Variants in DCDC1 observed in about 807,000 individuals in gnomAD.
DCDC1 encodes the protein doublecortin domain containing 1.
In DCDC1, 200 loss-of-function variants were observed where a neutral mutation model predicts 178.3. That is an observed-to-expected ratio of 1.12 (90% confidence interval 1.00 to 1.26). The LOEUF is 1.26. DCDC1 is among the 50% of genes most tolerant of loss of function. The probability of loss-of-function intolerance (pLI) is 0.00; values close to 1 mark genes in which losing one functional copy is unlikely to be tolerated. For missense variants in DCDC1, 1,983 were observed against 1,749.2 expected, an observed-to-expected ratio of 1.13 and a Z score of -2.38; for synonymous variants, 690 against 604.8, an observed-to-expected ratio of 1.14 and a Z score of -2.07.
In DCDC1 at chr11:30,999,991, C is replaced by T. The variant is rs1034989749; in HGVS notation, c.2592-47423G>A. ...TAGTCACCAACCAGAAAGAAAAGGT[C>T]GGTCAAAGCCAGTGGCTTCAGGTAA... On this transcript the variant is annotated intron_variant, in intron 20 of 38. Transcript: ENST00000684477. Among the ~76,000 whole-genome samples, 10 of 152,070 alleles carry T rather than the reference C, an allele frequency of 6.6e-5. No homozygotes were observed. The South Asian group carries it at 1.7e-3, about 25-fold the overall frequency.
At chr11:31,120,167 T>C (rs1354787726) in intron 11 of DCDC1, among the ~76,000 whole-genome samples, 1 of 152,122 alleles carries the variant, frequency 6.6e-6, no homozygotes, top group East Asian at 1.9e-4. Context: ...AAAAAAGAAA[T>C]CTCTGAATTA....
chr11:30,881,640 T>A (rs775096733), intron 36 of DCDC1, among the ~76,000 whole-genome samples: 45 of 152,020 alleles, frequency 3.0e-4, no homozygotes, highest in Non-Finnish European at 5.4e-4. Flanking sequence ...TAAAAACAAT[T>A]TTTTTTAGTG....
At chr11:31,058,856 T>C (rs1409942945) in intron 20 of DCDC1, among the ~76,000 whole-genome samples, 6 of 152,130 alleles carry the variant, frequency 3.9e-5, no homozygotes, top group African/African-American at 1.2e-4. Flanking sequence ...CTAAATGTAA[T>C]TTATTATCTC....
At chr11:30,941,427 C>G (rs1240461156) in intron 21 of DCDC1, among the ~76,000 whole-genome samples, 1 of 152,170 alleles carries the variant, frequency 6.6e-6, no homozygotes, top group Non-Finnish European at 1.5e-5. Flanking sequence ...CTCTCCCTCA[C>G]TCACACTGCT....
At chr11:30,981,344 T>C in intron 20 of DCDC1, among the ~76,000 whole-genome samples, 1 of 152,204 alleles carries the variant, frequency 6.6e-6, no homozygotes, top group South Asian at 2.1e-4. Flanking sequence ...TTAAAATAAA[T>C]TTTAAAAAGA....
chr11:31,341,424 T>TAGATAGATAGAC (rs753529187), intron 1 of DCDC1, among the ~76,000 whole-genome samples: 3,716 of 150,300 alleles, frequency 0.025, 129 homozygotes, highest in African/African-American at 0.071. Flanking sequence ...GATAGATAGA[T>TAGATAGATAGAC]AGATAGATAG....
At chr11:31,250,413 C>CACACACATAT (rs1476922348) in intron 8 of DCDC1, among the ~76,000 whole-genome samples, 3 of 93,108 alleles carry the variant, frequency 3.2e-5, no homozygotes, top group African/African-American at 1.5e-4. Context: ...CACACACACA[C>CACACACATAT]ACATATACAT....
intron 9 of DCDC1, among the ~76,000 whole-genome samples, chr11:31,160,462 G>T (rs1317548358): frequency 6.6e-6 from 1 of 152,040 alleles, no homozygotes; most frequent in Non-Finnish European, 1.5e-5. Flanking sequence ...TTCTTTGGAG[G>T]ATTATAGATG....
At chr11:31,178,111 G>T (rs1968310537) in intron 9 of DCDC1, among the ~76,000 whole-genome samples, 1 of 152,124 alleles carries the variant, frequency 6.6e-6, no homozygotes, top group South Asian at 2.1e-4. Flanking sequence ...AACATCTCCA[G>T]AACAGATCAC....
At chr11:31,328,397 T>C (rs990114895) in intron 2 of DCDC1, 111 bp from the exon 3 acceptor site, 26 of 1,034,296 alleles carry the variant, frequency 2.5e-5, no homozygotes, top group South Asian at 6.8e-5. Flanking sequence ...TTCTAGACCA[T>C]ATAGCAATGA....
chr11:31,247,789 A>G (rs1943677789), intron 8 of DCDC1, among the ~76,000 whole-genome samples: 2 of 152,000 alleles, frequency 1.3e-5, no homozygotes, highest in African/African-American at 4.8e-5. Context: ...ATAAGCTGGG[A>G]TTCTATTGTC....
chr11:31,310,654 GA>G (rs1404853380), intron 3 of DCDC1, among the ~76,000 whole-genome samples: 2 of 151,926 alleles, frequency 1.3e-5, no homozygotes, highest in African/African-American at 4.8e-5. Flanking sequence ...TATAACAATT[GA>G]TAGGTGTTTC....
At chr11:31,367,944 A>G (rs1009799600) in intron 1 of DCDC1, among the ~76,000 whole-genome samples, 8 of 152,218 alleles carry the variant, frequency 5.3e-5, no homozygotes, top group African/African-American at 1.9e-4. Flanking sequence ...ACAAGGTTCT[A>G]GTGAAGAAAT....
intron 22 of DCDC1, among the ~76,000 whole-genome samples, chr11:30,925,766 C>T (rs1285380154): frequency 6.6e-6 from 1 of 152,152 alleles, no homozygotes; most frequent in Non-Finnish European, 1.5e-5. Flanking sequence ...CCACACTTTT[C>T]TATTTCTGTG....
chr11:31,320,631 G>A (rs1465590840), intron 3 of DCDC1, among the ~76,000 whole-genome samples: 4 of 28,842 alleles, frequency 1.4e-4, no homozygotes, highest in African/African-American at 6.0e-4. Context: ...TAATTTGATC[G>A]TCTGAAGTCT....
intron 38 of DCDC1, among the ~76,000 whole-genome samples, chr11:30,873,356 T>TAGAGAG (rs1392683202): frequency 3.3e-4 from 46 of 138,694 alleles, no homozygotes; most frequent in African/African-American, 8.6e-4. Context: ...TATATATATA[T>TAGAGAG]ATATATATAG....
chr11:31,218,834 G>GA (rs1973896691), intron 9 of DCDC1, among the ~76,000 whole-genome samples: 1 of 152,032 alleles, frequency 6.6e-6, no homozygotes, highest in Admixed American at 6.6e-5. Context: ...ACCAAAACTG[G>GA]AAAAATCCCA....
chr11:30,967,648 G>A (rs929171677), intron 20 of DCDC1, among the ~76,000 whole-genome samples: 1 of 152,160 alleles, frequency 6.6e-6, no homozygotes, highest in African/African-American at 2.4e-5. Flanking sequence ...AGGAAATTGT[G>A]GGACAGTCTT....
intron 3 of DCDC1, among the ~76,000 whole-genome samples, chr11:31,321,525 C>T (rs1949353926): frequency 6.6e-6 from 1 of 152,104 alleles, no homozygotes; most frequent in South Asian, 2.1e-4. Context: ...GCGCACGGTG[C>T]ACACACACAC....
Sources: allele counts gnomAD v4.1 joint callset (sites outside exome capture counted in the v4.1 genomes callset), GRCh38; gene constraint gnomAD v4.1.1; transcripts MANE v1.5; gene names NCBI Gene and HGNC (gene_info 2026-07-23, HGNC 2026-07-21).